Variants in UGT2B7 observed in about 807,000 individuals in gnomAD.
The protein encoded by UGT2B7 is UDP-glucuronosyltransferase 2B7.
UGT2B7 carries 51 observed loss-of-function variants against 51.9 expected under a neutral mutation model. That is an observed-to-expected ratio of 0.98 (90% CI 0.78 to 1.24). The LOEUF (loss-of-function observed/expected upper bound fraction) is 1.24. Among genes scored for constraint, UGT2B7 ranks in the 50% most tolerant of loss-of-function variants. The pLI, the probability that UGT2B7 is intolerant of heterozygous loss-of-function variation, is 0.00. For synonymous variants in UGT2B7, 225 were observed against 211.6 expected (o/e 1.06, Z -0.55); for missense variants, 727 against 628.4 (o/e 1.16, Z -1.68).
intron 1 of UGT2B7, among the ~76,000 whole-genome samples, chr4:69,073,104 T>G (rs1422817389): frequency 6.6e-6 from 1 of 152,116 alleles, no homozygotes; most frequent in African/African-American, 2.4e-5. Context: ...GTTGGATTTT[T>G]GATTTCAGTA....
chr4:69,066,362 G>C (rs59970425), intron 1 of UGT2B7: 27,480 of 151,848 alleles, frequency 0.18, 2,655 homozygotes, highest in East Asian at 0.39. Context: ...ATGTGTCCAC[G>C]TGTTCTCATC....
chr4:69,107,954 C>A, intron 4 of UGT2B7, 149 bp from the exon 5 acceptor site: 1 of 960,680 alleles, frequency 1.0e-6, no homozygotes, highest in Non-Finnish European at 1.6e-6. Flanking sequence ...ATACCCAGTA[C>A]AAGTACGTGT....
chr4:69,068,454 A>G (rs1482029961), intron 1 of UGT2B7, among the ~76,000 whole-genome samples: 7 of 152,108 alleles, frequency 4.6e-5, no homozygotes, highest in African/African-American at 1.7e-4. Context: ...ACCAAAATGT[A>G]TTAAACCAGA....
chr4:69,065,772 A>G (rs1036633243), intron 1 of UGT2B7, among the ~76,000 whole-genome samples: 15 of 152,222 alleles, frequency 9.9e-5, no homozygotes, highest in Admixed American at 9.2e-4. Context: ...ATTGTTTTGT[A>G]AATGAAAAAT....
chr4:69,102,058 A>G (rs1719434817), intron 2 of UGT2B7, among the ~76,000 whole-genome samples: 1 of 152,226 alleles, frequency 6.6e-6, no homozygotes, highest in Non-Finnish European at 1.5e-5. Context: ...CCTGAAAAAT[A>G]TGATCATTCA....
At position 69,076,030 on chromosome 4, in the gene UGT2B7, T is replaced by G. The variant is rs116574876; in HGVS notation, c.-158-13442T>G. ...CACTTATGTGTGAGAACATGCGGTG[T>G]TAGATTTTCTGTTCTTGTGATAGTT... On this transcript the variant is annotated intron_variant, in intron 1 of 5. Transcript: ENST00000502942. 8.5e-3 allele frequency among the ~76,000 whole-genome samples: 1,296 copies of G among 152,112 alleles called. 10 individuals are homozygous for G. The highest frequency in any genetic ancestry group is 0.05 in the East Asian group (256 of 5,154).
In UGT2B7 at chr4:69,051,825, A is replaced by C. The variant is rs190161838; in HGVS notation, c.-159+223A>C. On this transcript the variant is annotated intron_variant, in intron 1 of 5. Transcript: ENST00000502942. ...TTTGTTCTGGTTTTGACTTGACTTG[A>C]ATTGCTGGATACTTTGGTTTCGGTT... 2.9e-3 allele frequency among the ~76,000 whole-genome samples: 442 copies of C among 152,252 alleles called. 1 individual carries two copies. The highest frequency in any genetic ancestry group is 0.01 in the African/African-American group (421 of 41,550).
intron 1 of UGT2B7, among the ~76,000 whole-genome samples, chr4:69,086,477 G>A (rs1283136018): frequency 6.6e-6 from 1 of 151,884 alleles, no homozygotes; most frequent in Non-Finnish European, 1.5e-5. Flanking sequence ...TTCTGTAAAT[G>A]TCCGTGTTAG....
At chr4:69,055,281 G>T (rs1718159029) in intron 1 of UGT2B7, among the ~76,000 whole-genome samples, 1 of 150,040 alleles carries the variant, frequency 6.7e-6, no homozygotes, top group Non-Finnish European at 1.5e-5. Context: ...TGTGAGATGT[G>T]TTAATACTGG....
At chr4:69,078,748 G>C (rs529425761) in intron 1 of UGT2B7, among the ~76,000 whole-genome samples, 2 of 152,212 alleles carry the variant, frequency 1.3e-5, no homozygotes, top group East Asian at 3.9e-4. Context: ...AAGTGAGAAC[G>C]CTAGGTGGGT....
At chr4:69,090,692 T>C (rs1719066535) in intron 2 of UGT2B7, among the ~76,000 whole-genome samples, 1 of 152,168 alleles carries the variant, frequency 6.6e-6, no homozygotes, top group Non-Finnish European at 1.5e-5. Context: ...AGATGAGATT[T>C]TGGCGGGGAC....
chr4:69,098,536 T>C lies in UGT2B7; in HGVS notation c.722-4T>C, dbSNP rs753675762. 2 of 1,588,834 alleles carry C rather than the reference T, an allele frequency of 1.3e-6. No individual in the cohort carries two copies. The highest frequency in any genetic ancestry group is 2.2e-5 in the East Asian group (1 of 44,600). ...TCCACCTTTTTTTTTTCTATTCCTG[T>C]CAGGAAGACCCACTACATTATCTGA... is the stretch of plus-strand genomic sequence containing the variant. On this transcript the variant is annotated splice_polypyrimidine_tract_variant and splice_region_variant and intron_variant, in intron 1 of 5. Transcript: ENST00000305231.
intron 3 of UGT2B7, among the ~76,000 whole-genome samples, chr4:69,106,078 T>A (rs7693957): frequency 0.59 from 89,704 of 152,008 alleles, 27,815 homozygotes; most frequent in African/African-American, 0.76. Flanking sequence ...ATATTTTTAA[T>A]TTTAAAAAAT....
At chr4:69,064,112 A>AGAGAGAGAGAAAG (rs1718433031) in intron 1 of UGT2B7, among the ~76,000 whole-genome samples, 5 of 86,846 alleles carry the variant, frequency 5.8e-5, no homozygotes, top group East Asian at 4.4e-4. Context: ...GAAAGAAAGA[A>AGAGAGAGAGAAAG]AAAGAAAGAA....
At chr4:69,102,760 C>G (rs756264493) in intron 2 of UGT2B7, 47 bp from the exon 3 acceptor site, 2 of 1,588,494 alleles carry the variant, frequency 1.3e-6, no homozygotes, top group South Asian at 2.3e-5. Context: ...TGGTAGTGCC[C>G]GCTGTGCTAA....
chr4:69,059,973 GC>G (rs1454024250), intron 1 of UGT2B7, among the ~76,000 whole-genome samples: 1 of 152,072 alleles, frequency 6.6e-6, no homozygotes, highest in Non-Finnish European at 1.5e-5. Context: ...GCCTATTTTT[GC>G]TTTTCAATGG....
chr4:69,054,452 C>T (rs1718129730), intron 1 of UGT2B7, among the ~76,000 whole-genome samples: 2 of 152,238 alleles, frequency 1.3e-5, no homozygotes, highest in East Asian at 3.9e-4. Flanking sequence ...TAAAGGACAC[C>T]ATTAGCTAAT....
chr4:69,084,295 C>T (rs1187888459), intron 1 of UGT2B7, among the ~76,000 whole-genome samples: 5 of 133,076 alleles, frequency 3.8e-5, no homozygotes, highest in East Asian at 2.2e-4. Flanking sequence ...AGTATTTTTG[C>T]GTCTATGTTC....
At chr4:69,094,927 A>T (rs1023709171), upstream of UGT2B7, among the ~76,000 whole-genome samples, 1 of 152,214 alleles carries the variant, frequency 6.6e-6, no homozygotes, top group Non-Finnish European at 1.5e-5. Context: ...AGTAGATTCC[A>T]TCTCAGGAAA....
Sources: gnomAD v4.1 joint callset for allele counts (sites outside exome capture counted in the v4.1 genomes callset) on GRCh38, gnomAD v4.1.1 for gene constraint, MANE v1.5 for transcripts, NCBI Gene and HGNC (gene_info 2026-07-23, HGNC 2026-07-21) for gene names.